Variants in VWA8 observed in about 807,000 individuals in gnomAD.
VWA8 encodes von Willebrand factor A domain containing 8, also known as von Willebrand factor A domain-containing protein 8.
Under a neutral mutation model 241.5 loss-of-function variants are expected in VWA8, and 221 were observed. The observed-to-expected ratio is 0.91, with a 90% CI of 0.82 to 1.02. The LOEUF is 1.02. Ranked by LOEUF, VWA8 falls within the 50% of genes least tolerant of loss-of-function variation. The pLI is 0.00. For missense variants in VWA8, 2,322 were observed against 2,328.7 expected (o/e 1.00, Z 0.06); for synonymous variants, 852 against 827.1 (o/e 1.03, Z -0.52).
At chr13:41,897,323 C>T (rs1189081727) in intron 4 of VWA8, among the ~76,000 whole-genome samples, 1 of 151,996 alleles carries the variant, frequency 6.6e-6, no homozygotes, top group Non-Finnish European at 1.5e-5. Flanking sequence ...TCACTAATCA[C>T]CAGAGAAATG....
rs1384604549 is a variant in VWA8 at position 41,762,886 on chromosome 13, C to G, written c.2350-1682G>C. On this transcript the variant is annotated intron_variant, in intron 20 of 44. Coordinates refer to ENST00000379310, the MANE Select transcript of VWA8 (RefSeq NM_015058.2). Reference sequence around the variant, plus strand: ...GTCAAGTGAATAAACGAATATAGGGCGTTTGGAAAGTACTGGAAAAGGAGT... The same window carrying G: ...GTCAAGTGAATAAACGAATATAGGGGGTTTGGAAAGTACTGGAAAAGGAGT... Among the ~76,000 whole-genome samples the G allele has an allele frequency of 1.3e-5, 2 of 152,046 alleles. 1 individual carries two copies. Among genetic ancestry groups the G allele is most frequent in the African/African-American group, 4.8e-5 (2 of 41,472 alleles).
intron 37 of VWA8, among the ~76,000 whole-genome samples, chr13:41,666,399 C>T (rs2044986318): frequency 6.6e-6 from 1 of 152,142 alleles, no homozygotes; most frequent in Admixed American, 6.6e-5. Context: ...GTCCCTATCA[C>T]CATCTTACTG....
intron 21 of VWA8, among the ~76,000 whole-genome samples, chr13:41,737,032 C>G (rs1354277251): frequency 6.6e-6 from 1 of 151,756 alleles, no homozygotes; most frequent in African/African-American, 2.4e-5. Context: ...ACCATCTCTA[C>G]CAGGCCAGGC....
chr13:41,785,881 A>G (rs1210959721), intron 18 of VWA8, among the ~76,000 whole-genome samples: 1 of 152,142 alleles, frequency 6.6e-6, no homozygotes, highest in Non-Finnish European at 1.5e-5. Context: ...ACATAATTTC[A>G]GATTCAAACA....
At chr13:41,587,229 C>A (rs2282209) in intron 42 of VWA8, among the ~76,000 whole-genome samples, 88,492 of 151,970 alleles carry the variant, frequency 0.58, 27,350 homozygotes, top group South Asian at 0.75. Flanking sequence ...TGGGATAAGG[C>A]CAGGAGGCTC....
chr13:41,685,331 G>A lies in VWA8; in HGVS notation c.4132-89C>T, dbSNP rs2045128854. 5 of 1,204,072 alleles carry A rather than the reference G, an allele frequency of 4.2e-6. No homozygotes were observed. In the African/African-American group the frequency reaches 4.6e-5, roughly 11 times the overall value. The allele number at this position is 1,204,072 out of a possible 1,614,324, so 74.6% of individuals were successfully genotyped here. Reference sequence around the variant, plus strand: ...AACGCAGCCCTTTAAGCAGATACTAGTGGGAAACTAATGTTTCACAGGTAT... The same window carrying A: ...AACGCAGCCCTTTAAGCAGATACTAATGGGAAACTAATGTTTCACAGGTAT... On this transcript the variant is annotated intron_variant, in intron 34 of 44. Coordinates refer to ENST00000379310, the MANE Select transcript of VWA8 (RefSeq NM_015058.2).
In VWA8 at chr13:41,830,660, A is replaced by C; in HGVS notation, c.1587-18T>G. The stretch of plus-strand genomic sequence containing the variant: ...GGATTAACCTAACAAGATAAGAAAA[A>C]AGCCCGAAAATAAATTAATGTGTTT... On this transcript the variant is annotated intron_variant, in intron 13 of 44. Transcript: ENST00000379310. 6.2e-7 allele frequency: 1 copy of C among 1,604,516 alleles called. No homozygotes were observed. The highest frequency in any genetic ancestry group is 1.1e-5 in the South Asian group (1 of 90,630).
chr13:41,838,057 T>G (rs1871821687), intron 12 of VWA8, among the ~76,000 whole-genome samples: 1 of 152,180 alleles, frequency 6.6e-6, no homozygotes, highest in Non-Finnish European at 1.5e-5. Context: ...TTCTTTTGAT[T>G]TGTAACTGAG....
Position 41,830,201 on chromosome 13 carries a change from C to T in VWA8, c.1700+328G>A, listed in dbSNP as rs552792101. Among the ~76,000 whole-genome samples, 20 of 150,542 alleles carry T rather than the reference C, an allele frequency of 1.3e-4. No individual in the cohort carries two copies. The South Asian group carries it at 2.1e-3, about 16-fold the overall frequency. On this transcript the variant is annotated intron_variant, in intron 14 of 44. Transcript: ENST00000379310. Reference sequence around the variant, plus strand: ...GAGCTTGCAATGAGCCGAGATTGCGCCACCGCACTCCAGCCTGGGTGACAG... The same window carrying T: ...GAGCTTGCAATGAGCCGAGATTGCGTCACCGCACTCCAGCCTGGGTGACAG...
chr13:41,960,665 C>A (rs1236105861), intron 1 of VWA8, among the ~76,000 whole-genome samples, 188 bp downstream of exon 1: 1 of 152,220 alleles, frequency 6.6e-6, no homozygotes, highest in East Asian at 1.9e-4. Context: ...AGAGGGCGAG[C>A]GCCTTGCCCC....
chr13:41,795,354 T>C (rs1031799979), intron 17 of VWA8, among the ~76,000 whole-genome samples: 1 of 152,180 alleles, frequency 6.6e-6, no homozygotes, highest in East Asian at 1.9e-4. Context: ...GGTCAGAGTG[T>C]AAATTAGTTC....
chr13:41,846,589 G>T (rs950169117), intron 12 of VWA8, among the ~76,000 whole-genome samples: 1 of 152,128 alleles, frequency 6.6e-6, no homozygotes, highest in South Asian at 2.1e-4. Flanking sequence ...ATAAGTCTCA[G>T]TTCACAATTC....
chr13:41,573,007 G>A (rs1432705101), intron 43 of VWA8, among the ~76,000 whole-genome samples: 1 of 150,888 alleles, frequency 6.6e-6, no homozygotes. Flanking sequence ...TGCTCGGAGG[G>A]CTGGGACAGG....
At chr13:41,889,034 C>G (rs1019661829) in intron 5 of VWA8, among the ~76,000 whole-genome samples, 1 of 152,146 alleles carries the variant, frequency 6.6e-6, no homozygotes, top group Admixed American at 6.5e-5. Flanking sequence ...TTCATACAAA[C>G]TGAACTTTGT....
chr13:41,640,060 G>A (rs1251924154), intron 37 of VWA8, among the ~76,000 whole-genome samples: 1 of 152,144 alleles, frequency 6.6e-6, no homozygotes, highest in African/African-American at 2.4e-5. Flanking sequence ...TTTCAAGAGA[G>A]CCCTATGTAG....
chr13:41,691,737 T>C (rs866491889), intron 31 of VWA8, 137 bp downstream of exon 31: 14 of 758,020 alleles, frequency 1.8e-5, no homozygotes, highest in Middle Eastern at 3.2e-4. Context: ...TATTCTGCAA[T>C]GTGGGCAAGT....
At chr13:41,649,050 G>T (rs56702420) in intron 37 of VWA8, among the ~76,000 whole-genome samples, 3 of 140,042 alleles carry the variant, frequency 2.1e-5, no homozygotes, top group African/African-American at 8.5e-5. Context: ...TGGGCGTGGT[G>T]GGGGGGTGCC....
At position 41,699,265 on chromosome 13, in the gene VWA8, C is replaced by A; in HGVS notation, c.3370G>T (p.Glu1124Ter). 1.2e-6 allele frequency: 2 copies of A among 1,613,922 alleles called. No homozygotes were observed. Among genetic ancestry groups the A allele is most frequent in the South Asian group, 1.1e-5 (1 of 91,012 alleles). Residue 1124 changes from glutamate to a stop codon, truncating the protein, a stop_gained, in exon 29 of 45, where the codon GAG becomes TAG. Transcript: ENST00000379310. LOFTEE classifies it high-confidence loss of function. Reference protein sequence around the residue: ...ICDIATSHENEQNTLYVVTCN... With the variant: ...ICDIATSHEN Reference sequence around the variant, plus strand: ...GTAACTACATAGAGAGTATTTTGCTCATTTTCTGAAATGACAAAAAGGTGT... The same window carrying A: ...GTAACTACATAGAGAGTATTTTGCTAATTTTCTGAAATGACAAAAAGGTGT...
chr13:41,726,994 C>T (rs989981661), intron 24 of VWA8, among the ~76,000 whole-genome samples, 200 bp downstream of exon 24: 19 of 151,718 alleles, frequency 1.3e-4, no homozygotes, highest in African/African-American at 3.9e-4. Context: ...GACTCCATCT[C>T]GGAAAAAAAC....
Sources: allele counts gnomAD v4.1 joint callset (sites outside exome capture counted in the v4.1 genomes callset), GRCh38; gene constraint gnomAD v4.1.1; transcripts MANE v1.5; gene names NCBI Gene and HGNC (gene_info 2026-07-23, HGNC 2026-07-21).